Variants in PKP3 observed in about 807,000 individuals in gnomAD.
PKP3 encodes plakophilin-3.
A neutral mutation model predicts 76.5 loss-of-function variants in PKP3; 66 were observed. The ratio of observed to expected loss-of-function variants is 0.86; its 90% CI spans 0.71 to 1.06. The LOEUF is 1.06. PKP3 is among the 50% of genes least tolerant of loss of function. The pLI is 0.00. For synonymous variants in PKP3, 638 were observed against 516.5 expected, an observed-to-expected ratio of 1.24 and a Z score of -3.19; for missense variants, 1,338 against 1,141.0, an observed-to-expected ratio of 1.17 and a Z score of -2.49.
Position 397,242 on chromosome 11 carries a change from C to T in PKP3, c.741C>T (p.Ala247=), listed in dbSNP as rs1294818789. Residue 247 remains alanine (A), a synonymous_variant, in exon 3 of 13, where the codon GCC becomes GCT. Coordinates refer to ENST00000331563, the MANE Select transcript of PKP3 (RefSeq NM_007183.4). ...VSPSRTIRAP[A]VRTLQRFQSS... is the part of the protein sequence containing the mutation. ...CGAGCCGGACCATCCGTGCCCCTGC[C>T]GTGCGGACCCTGCAGCGATTCCAGA... is the stretch of plus-strand genomic sequence containing the variant. The T allele has an allele frequency of 6.9e-6, 11 of 1,599,740 alleles. No individual in the cohort carries two copies. Among genetic ancestry groups the T allele is most frequent in the Middle Eastern group, 1.7e-4 (1 of 5,946 alleles).
chr11:400,262 G>C, intron 6 of PKP3, 72 bp from the exon 7 acceptor site: 1 of 1,422,646 alleles, frequency 7.0e-7, no homozygotes, highest in Non-Finnish European at 9.5e-7. Flanking sequence ...GGCGTGCGAG[G>C]GCCCACGATG....
In PKP3 at chr11:404,186, C is replaced by T. The variant is rs199692760; in HGVS notation, c.2271-50C>T. On this transcript the variant is annotated intron_variant, in intron 11 of 12. Transcript: ENST00000331563. This position sits in a 1 kb window ranked among gnomAD's most constrained non-coding sequence, Gnocchi z 4.2. ...AGCCTGGTCAGGGGTCCTCCCAGTC[C>T]ACCCTGCTTTCTGGCTGTGTGTCCC... 79 of 1,607,474 alleles carry T rather than the reference C, an allele frequency of 4.9e-5. No homozygotes were observed. The East Asian group carries it at 1.7e-3, about 34-fold the overall frequency.
rs754006221 is a variant in PKP3, at chr11:400,600, G to T, written c.1632G>T (p.Pro544=). 7 of 1,463,900 alleles carry T rather than the reference G, an allele frequency of 4.8e-6. No homozygotes were observed. The highest frequency in any genetic ancestry group is 6.3e-6 in the Non-Finnish European group (7 of 1,117,010). The allele number at this position is 1,463,900 out of a possible 1,614,324, so 90.7% of individuals were successfully genotyped here. Residue 544 remains proline (P), a synonymous_variant, in exon 8 of 13, where the codon CCG becomes CCT. Transcript: ENST00000331563. Reference sequence around the variant, plus strand: ...ACCGCCTCTACGACGAGATGCCGCCGTCCGCGCTGCAGCGGCTGGAGGGTC... The same window carrying T: ...ACCGCCTCTACGACGAGATGCCGCCTTCCGCGCTGCAGCGGCTGGAGGGTC... ...LSYRLYDEMP[P]SALQRLEGRG...
rs147617372 is a variant in PKP3 at position 397,117 on chromosome 11, G to C, written c.616G>C (p.Ala206Pro). ...GGTGTCTGAGCAGCTGGAGCCCGCG[G>C]CCACCTCCACCTACAGGGCCTTTGC... Reference protein sequence around the residue: ...SLVSEQLEPAATSTYRAFAYE... With the variant: ...SLVSEQLEPAPTSTYRAFAYE... The change falls in exon 3 of 13, where the codon GCC becomes CCC. Residue 206 changes from alanine (A) to proline (P), a missense_variant. Ala to Pro is a conservative substitution (Grantham distance 27). Coordinates refer to ENST00000331563, the MANE Select transcript of PKP3 (RefSeq NM_007183.4). The C allele has an allele frequency of 2.4e-4, 382 of 1,597,924 alleles. 2 individuals are homozygous for C. In the African/African-American group the frequency reaches 4.1e-3, roughly 17 times the overall value.
Position 397,488 on chromosome 11 carries a change from G to A in PKP3, c.944+43G>A, listed in dbSNP as rs141039769. The A allele has an allele frequency of 9.9e-6, 16 of 1,611,936 alleles. No individual in the cohort carries two copies. In the Middle Eastern group the frequency reaches 5.0e-4, roughly 50 times the overall value. On this transcript the variant is annotated intron_variant, in intron 3 of 12. Coordinates refer to ENST00000331563, the MANE Select transcript of PKP3 (RefSeq NM_007183.4). ...GCTCAGGGAGGGGGCTTCTACCACGGGCCCAGCCTGAACCCAAAGTTAGCC... is the reference window on the plus strand; with the variant it reads ...GCTCAGGGAGGGGGCTTCTACCACGAGCCCAGCCTGAACCCAAAGTTAGCC...
chr11:400,230 C>A (rs1202662359), intron 6 of PKP3, 89 bp downstream of exon 6: 1 of 1,405,554 alleles, frequency 7.1e-7, no homozygotes, highest in Non-Finnish European at 9.6e-7. Context: ...GCCCACACAC[C>A]GCACGCCTCG....
In PKP3 at chr11:394,280, T is replaced by C; in HGVS notation, c.-13T>C. ...AGGCGGCCGCCAGGCCCAGGCCCGG[T>C]GGACCTGCCGCCATGCAGGACGGTA... On this transcript the variant is annotated 5_prime_UTR_variant, in exon 1 of 13. Coordinates refer to ENST00000331563, the MANE Select transcript of PKP3 (RefSeq NM_007183.4). The C allele has an allele frequency of 6.7e-7, 1 of 1,496,498 alleles. No homozygotes were observed. Among genetic ancestry groups the C allele is most frequent in the Non-Finnish European group, 8.8e-7 (1 of 1,130,018 alleles). 92.7% of individuals were successfully genotyped at this position (1,496,498 alleles called of 1,614,324 possible). A position where few individuals can be genotyped will look rare whatever the true frequency, so the allele number is the denominator to read the frequency against.
rs199545561 is a variant in PKP3 at position 403,790 on chromosome 11, C to T, written c.2077+19C>T. The T allele has an allele frequency of 4.2e-5, 68 of 1,603,296 alleles. 1 individual carries two copies. The highest frequency in any genetic ancestry group is 2.7e-4 in the South Asian group (25 of 91,068). On this transcript the variant is annotated intron_variant, in intron 10 of 12. Transcript: ENST00000331563. ...GAGATGTGTGAGTCGGGCAGCCCCT[C>T]GTCCCTGCCCTGCTGGACCCACATG...
Position 397,327 on chromosome 11 carries a change from G to A in PKP3, c.826G>A (p.Ala276Thr), listed in dbSNP as rs1364867295. 6.3e-7 allele frequency: 1 copy of A among 1,579,890 alleles called. No individual in the cohort carries two copies. The highest frequency in any genetic ancestry group is 8.6e-7 in the Non-Finnish European group (1 of 1,166,240). Residue 276 changes from alanine to threonine, a missense_variant, in exon 3 of 13, where the codon GCT becomes ACT. Coordinates refer to ENST00000331563, the MANE Select transcript of PKP3 (RefSeq NM_007183.4). Reference protein sequence around the residue: ...AVPGAVLEPVARAPSVRSLSL... With the variant: ...AVPGAVLEPVTRAPSVRSLSL... ...GCCGGGGGCCGTCCTGGAGCCAGTG[G>A]CTCGAGCGCCATCTGTGCGCAGCCT...
chr11:392,811 C>A, upstream of PKP3: 1 of 504,618 alleles, frequency 2.0e-6, no homozygotes, highest in Non-Finnish European at 3.6e-6. Flanking sequence ...CTTTAACCCC[C>A]CACGCTGACC....
chr11:400,169 G>T (rs1847127555), intron 6 of PKP3, 28 bp downstream of exon 6: 2 of 1,510,316 alleles, frequency 1.3e-6, no homozygotes, highest in South Asian at 2.6e-5. Flanking sequence ...AGCGGGGTGG[G>T]GATTGCAGGC....
chr11:403,963 C>G lies in PKP3; in HGVS notation c.2098C>G (p.Leu700Val). 6.2e-7 allele frequency: 1 copy of G among 1,604,278 alleles called. No individual in the cohort carries two copies. Among genetic ancestry groups the G allele is most frequent in the Non-Finnish European group, 8.5e-7 (1 of 1,174,370 alleles). ...DEMSTKVVSH[L>V]IEKLPGSVGE... ...CACAGCCACGAAGGTGGTGAGCCAC[C>G]TGATCGAGAAGCTGCCGGGCAGCGT... is the stretch of plus-strand genomic sequence containing the variant. Residue 700 changes from leucine to valine, a missense_variant, in exon 11 of 13, where the codon CTG becomes GTG. Transcript: ENST00000331563.
At chr11:398,853 G>A (rs531903150) in intron 4 of PKP3, 139 bp from the exon 5 acceptor site, 92 of 670,350 alleles carry the variant, frequency 1.4e-4, no homozygotes, top group African/African-American at 1.3e-3. Flanking sequence ...CCCTACCGCC[G>A]CACACACCTC....
At chr11:394,148 A>C, upstream of PKP3, 1 of 1,251,920 alleles carries the variant, frequency 8.0e-7, no homozygotes, top group Non-Finnish European at 1.0e-6. Flanking sequence ...AGCTGCGCTC[A>C]GGGCTGGGCA....
In PKP3 at chr11:400,603, C is replaced by T. The variant is rs572755322; in HGVS notation, c.1635C>T (p.Ser545=). The change falls in exon 8 of 13, where the codon TCC becomes TCT. Residue 545 remains serine (S), a synonymous_variant. Transcript: ENST00000331563. ...SYRLYDEMPP[S]ALQRLEGRGR... Reference sequence around the variant, plus strand: ...GCCTCTACGACGAGATGCCGCCGTCCGCGCTGCAGCGGCTGGAGGGTCGCG... The same window carrying T: ...GCCTCTACGACGAGATGCCGCCGTCTGCGCTGCAGCGGCTGGAGGGTCGCG... The T allele has an allele frequency of 8.5e-5, 124 of 1,453,122 alleles. No individual in the cohort carries two copies. The highest frequency in any genetic ancestry group is 9.9e-5 in the Non-Finnish European group (110 of 1,111,772). The allele number at this position is 1,453,122 out of a possible 1,614,324, so 90.0% of individuals were successfully genotyped here.
chr11:399,188 A>G lies in PKP3; in HGVS notation c.1265A>G (p.Asn422Ser). 1.3e-6 allele frequency: 2 copies of G among 1,588,424 alleles called. No homozygotes were observed. The highest frequency in any genetic ancestry group is 1.3e-5 in the African/African-American group (1 of 74,088). ...LREQDDELRK[N>S]VTGILWNLSS... ...GAGCAGGATGATGAGCTTCGCAAAA[A>G]TGTCACAGGTGCTGCCTGTCCCCTC... Residue 422 changes from asparagine (N) to serine (S), a missense_variant, in exon 5 of 13, where the codon AAT becomes AGT. Coordinates refer to ENST00000331563, the MANE Select transcript of PKP3 (RefSeq NM_007183.4).
chr11:400,069 C>A lies in PKP3; in HGVS notation c.1376C>A (p.Ala459Asp), dbSNP rs1006487112. 6.2e-7 allele frequency: 1 copy of A among 1,602,658 alleles called. No homozygotes were observed. Among genetic ancestry groups the A allele is most frequent in the Non-Finnish European group, 8.5e-7 (1 of 1,176,844 alleles). Residue 459 changes from alanine (A) to aspartate (D), a missense_variant, in exon 6 of 13, where the codon GCT (alanine) becomes GAT (aspartate). Physicochemically the swap from Ala to Asp is moderately radical, Grantham distance 126 (BLOSUM62 -2). Transcript: ENST00000331563. Reference sequence around the variant, plus strand: ...CTGGTGTTGAGCCCCCTGTCGGGGGCTGGGGGTCCCCCCCTCATCCAGCAG... The same window carrying A: ...CTGGTGTTGAGCCCCCTGTCGGGGGATGGGGGTCCCCCCCTCATCCAGCAG... ...TDLVLSPLSG[A>D]GGPPLIQQNA...
upstream of PKP3, among the ~76,000 whole-genome samples, chr11:393,016 A>G (rs113677123): frequency 0.019 from 2,881 of 151,920 alleles, 83 homozygotes; most frequent in African/African-American, 0.064. Flanking sequence ...TCCAGGGAGA[A>G]GCAGAGGCTG....
Position 404,689 on chromosome 11 carries a change from G to C in PKP3, c.*120G>C. ...TAATGACGGAGGGGCCCCTCGCTGG[G>C]GCCCCTGTGTGCATCTTTGAGGGTC... is the stretch of plus-strand genomic sequence containing the variant. On this transcript the variant is annotated 3_prime_UTR_variant, in exon 13 of 13. Transcript: ENST00000331563. The surrounding 1 kb of genome is among the most constrained non-coding windows in gnomAD (Gnocchi z 4.2). 1.1e-6 allele frequency: 1 copy of C among 931,696 alleles called. No homozygotes were observed. 57.7% of individuals were successfully genotyped at this position (931,696 alleles called of 1,614,324 possible). A position where few individuals can be genotyped will look rare whatever the true frequency, so the allele number is the denominator to read the frequency against.
Sources: allele counts gnomAD v4.1 joint callset (sites outside exome capture counted in the v4.1 genomes callset), GRCh38; gene constraint gnomAD v4.1.1; non-coding constraint Gnocchi (gnomAD v3.1); transcripts MANE v1.5; gene names NCBI Gene and HGNC (gene_info 2026-07-23, HGNC 2026-07-21).